The following MPND variants were observed in gnomAD, a reference collection of about 807,000 sequenced individuals.
MPND encodes MPN domain-containing protein.
Under a neutral mutation model 59.2 loss-of-function variants are expected in MPND, and 56 were observed. That is an observed-to-expected ratio of 0.95 (90% CI 0.76 to 1.18). MPND has a LOEUF of 1.18. Ranked by LOEUF, MPND falls within the 50% of genes most tolerant of loss-of-function variation. The pLI is 0.00. For synonymous variants in MPND, 323 were observed against 291.9 expected, an observed-to-expected ratio of 1.11 and a Z score of -1.09; for missense variants, 671 against 676.0, an observed-to-expected ratio of 0.99 and a Z score of 0.08.
chr19:4,358,272 C>T (rs1219143960), intron 11 of MPND, 100 bp downstream of exon 11: 6 of 1,058,796 alleles, frequency 5.7e-6, no homozygotes, highest in Admixed American at 2.0e-5. Context: ...GAAGCTATGG[C>T]TGGTGGCGCC....
chr19:4,356,069 G>A (rs548622412), intron 8 of MPND, among the ~76,000 whole-genome samples: 1 of 150,498 alleles, frequency 6.6e-6, no homozygotes, highest in Admixed American at 6.6e-5. Flanking sequence ...GGCCAGGCTG[G>A]TTTCAAACTC....
chr19:4,346,938 G>A (rs1003950879), intron 3 of MPND, among the ~76,000 whole-genome samples: 1 of 152,000 alleles, frequency 6.6e-6, no homozygotes, highest in Non-Finnish European at 1.5e-5. Context: ...GCTGAGGCAG[G>A]AGAATCACTT....
intron 3 of MPND, among the ~76,000 whole-genome samples, chr19:4,346,351 G>A (rs8102860): frequency 0.44 from 67,021 of 151,988 alleles, 15,206 homozygotes; most frequent in East Asian, 0.66. Flanking sequence ...CAAATGCTAT[G>A]ATAATAGATG....
chr19:4,344,546 G>A (rs1266836792), intron 2 of MPND, among the ~76,000 whole-genome samples: 1 of 152,152 alleles, frequency 6.6e-6, no homozygotes, highest in African/African-American at 2.4e-5. Flanking sequence ...CAAAGGAGAA[G>A]CTGAGGCTCA....
chr19:4,357,728 C>T (rs1972474927), intron 10 of MPND, 143 bp downstream of exon 10: 1 of 784,660 alleles, frequency 1.3e-6, no homozygotes, highest in East Asian at 2.7e-5. Flanking sequence ...GACGTGACTG[C>T]TGCCCTGCCC....
rs541424035 is a variant in MPND, at chr19:4,349,631, C to G, written c.532-3266C>G. Among the ~76,000 whole-genome samples the G allele has an allele frequency of 1.9e-4, 29 of 152,278 alleles. No individual in the cohort carries two copies. In the South Asian group the frequency reaches 6.0e-3, roughly 32 times the overall value. ...GTTCAGGCGATTCTCCTGCCTCAGC[C>G]TCCTGAGTAGCTGGGACTACAGATG... On this transcript the variant is annotated intron_variant, in intron 3 of 12. Transcript: ENST00000599840.
At chr19:4,351,212 T>A (rs1972308628) in intron 3 of MPND, among the ~76,000 whole-genome samples, 1 of 152,182 alleles carries the variant, frequency 6.6e-6, no homozygotes, top group African/African-American at 2.4e-5. Flanking sequence ...CAAGTGATCC[T>A]CCTGCCTCAG....
chr19:4,344,800 T>C (rs8113766), intron 2 of MPND, among the ~76,000 whole-genome samples: 2 of 147,646 alleles, frequency 1.4e-5, no homozygotes, highest in African/African-American at 2.5e-5. Flanking sequence ...ATGCAGTTGC[T>C]CGATCTCGGC....
At chr19:4,344,719 G>A (rs1972145891) in intron 2 of MPND, among the ~76,000 whole-genome samples, 1 of 151,202 alleles carries the variant, frequency 6.6e-6, no homozygotes, top group African/African-American at 2.4e-5. Flanking sequence ...CACTTTATCT[G>A]TGGTAGGTAT....
chr19:4,349,319 A>T (rs577042479), intron 3 of MPND, among the ~76,000 whole-genome samples: 1 of 151,930 alleles, frequency 6.6e-6, no homozygotes, highest in East Asian at 2.0e-4. Context: ...CAAGTGATCC[A>T]CTCGCTTCGG....
At chr19:4,352,292 G>C (rs1305226030) in intron 3 of MPND, among the ~76,000 whole-genome samples, 6 of 152,242 alleles carry the variant, frequency 3.9e-5, no homozygotes, top group Non-Finnish European at 8.8e-5. Flanking sequence ...TTGAGCAGTA[G>C]GATATAAATA....
intron 12 of MPND, 60 bp downstream of exon 12, chr19:4,359,315 C>G: frequency 2.3e-6 from 3 of 1,307,642 alleles, no homozygotes; most frequent in Non-Finnish European, 3.3e-6. Flanking sequence ...CCCTGGGCAG[C>G]CTAAAAGGTG....
chr19:4,349,669 C>A (rs946624186), intron 3 of MPND, among the ~76,000 whole-genome samples: 1 of 151,954 alleles, frequency 6.6e-6, no homozygotes, highest in African/African-American at 2.4e-5. Flanking sequence ...CACTACCATG[C>A]CCAGTTAATT....
intron 2 of MPND, among the ~76,000 whole-genome samples, chr19:4,344,661 G>A (rs911347115): frequency 6.6e-6 from 1 of 152,022 alleles, no homozygotes; most frequent in Non-Finnish European, 1.5e-5. Flanking sequence ...AAAATTAGGG[G>A]ATGGTTAAAT....
intron 3 of MPND, among the ~76,000 whole-genome samples, chr19:4,351,305 T>C (rs1403048938): frequency 9.9e-5 from 15 of 151,912 alleles, no homozygotes; most frequent in Admixed American, 9.8e-4. Context: ...GGTTTCACCA[T>C]GTTGGCCAGG....
rs140123477 is a variant in MPND, at chr19:4,349,401, T to G, written c.531+3420T>G. 9.4e-3 allele frequency among the ~76,000 whole-genome samples: 1,424 copies of G among 152,282 alleles called. 19 individuals are homozygous for G. Among genetic ancestry groups the G allele is most frequent in the African/African-American group, 0.033 (1,361 of 41,564 alleles). ...ACGATTCCTTTGCCTTGGTGGGAAC[T>G]GCCTGTGGAAAGCAGTGGTGGCGGG... On this transcript the variant is annotated intron_variant, in intron 3 of 12. Coordinates refer to ENST00000599840, the MANE Select transcript of MPND (RefSeq NM_001300862.2).
At chr19:4,357,624 G>A (rs1324262513) in intron 10 of MPND, 39 bp downstream of exon 10, 5 of 1,573,724 alleles carry the variant, frequency 3.2e-6, no homozygotes, top group Non-Finnish European at 4.3e-6. Flanking sequence ...GGGCCCGGGA[G>A]CACTGGGGCA....
chr19:4,345,870 G>A lies in MPND; in HGVS notation c.420G>A (p.Lys140=), dbSNP rs1221793191. The change falls in exon 3 of 13, where the codon AAG becomes AAA. Residue 140 remains lysine, a synonymous_variant. Transcript: ENST00000599840. ...HCKKLVNPAK[K]SGCGWASVKY... Reference sequence around the variant, plus strand: ...AGAAGCTGGTGAACCCTGCCAAGAAGTCGGGCTGTGGCTGGGCCTCTGTCA... The same window carrying A: ...AGAAGCTGGTGAACCCTGCCAAGAAATCGGGCTGTGGCTGGGCCTCTGTCA... 1.2e-6 allele frequency: 2 copies of A among 1,613,976 alleles called. No homozygotes were observed. The highest frequency in any genetic ancestry group is 1.3e-5 in the African/African-American group (1 of 74,940).
rs998172913 is a variant in MPND, at chr19:4,355,292, C to T, written c.996+119C>T. On this transcript the variant is annotated intron_variant, in intron 8 of 12. Transcript: ENST00000599840. ...CAGCAACCGTGCAGGTGAGCATGCCCGTCTGTGTGCTTGGGACCCCATGGT... is the reference window on the plus strand; with the variant it reads ...CAGCAACCGTGCAGGTGAGCATGCCTGTCTGTGTGCTTGGGACCCCATGGT... The T allele has an allele frequency of 1.8e-4, 180 of 973,380 alleles. 2 individuals are homozygous for T. The highest frequency in any genetic ancestry group is 2.5e-4 in the Non-Finnish European group (156 of 632,956). The allele number at this position is 973,380 out of a possible 1,614,324, so 60.3% of individuals were successfully genotyped here. A position where few individuals can be genotyped will look rare whatever the true frequency, so the allele number is the denominator to read the frequency against.
Sources: gnomAD v4.1 joint callset for allele counts (sites outside exome capture counted in the v4.1 genomes callset) on GRCh38, gnomAD v4.1.1 for gene constraint, MANE v1.5 for transcripts, NCBI Gene and HGNC (gene_info 2026-07-23, HGNC 2026-07-21) for gene names.